TMEM132D: variants seen among roughly 807,000 people sequenced by gnomAD.
The protein encoded by TMEM132D is transmembrane protein 132D.
In TMEM132D, 21 loss-of-function variants were observed where a neutral mutation model predicts 62.3. That is an observed-to-expected ratio of 0.34 (90% CI 0.24 to 0.49). The LOEUF (loss-of-function observed/expected upper bound fraction) is 0.49, where lower values mean the gene tolerates loss of function less well. Ranked by LOEUF, TMEM132D falls within the 20% of genes least tolerant of loss-of-function variation. The pLI, the probability that TMEM132D is intolerant of heterozygous loss-of-function variation, is 0.99. For synonymous variants in TMEM132D, 621 were observed against 575.6 expected (o/e 1.08, Z -1.13); for missense variants, 1,346 against 1,402.8 (o/e 0.96, Z 0.65).
At position 129,217,484 on chromosome 12, in the gene TMEM132D, G is replaced by A. The variant is rs544830216; in HGVS notation, c.1300-7821C>T. ...AAACATTCCAAACAGCAAATGAAAC[G>A]GAGCGCCACCTGAACCTCCAGCCTT... On this transcript the variant is annotated intron_variant, in intron 4 of 8. Coordinates refer to ENST00000422113, the MANE Select transcript of TMEM132D (RefSeq NM_133448.3). 5.3e-5 allele frequency among the ~76,000 whole-genome samples: 8 copies of A among 152,244 alleles called. No homozygotes were observed. In the South Asian group the frequency reaches 1.4e-3, roughly 28 times the overall value.
At chr12:129,538,640 G>C (rs1876480392) in intron 2 of TMEM132D, among the ~76,000 whole-genome samples, 1 of 150,786 alleles carries the variant, frequency 6.6e-6, no homozygotes, top group African/African-American at 2.4e-5. Flanking sequence ...TAATAAAATA[G>C]AACAATTATG....
chr12:129,533,047 G>A (rs1876274201), intron 2 of TMEM132D, among the ~76,000 whole-genome samples: 1 of 152,062 alleles, frequency 6.6e-6, no homozygotes, highest in Non-Finnish European at 1.5e-5. Context: ...GTGGTCTTAG[G>A]AACCCCCAGG....
intron 3 of TMEM132D, among the ~76,000 whole-genome samples, chr12:129,507,642 A>G (rs1483820628): frequency 6.6e-6 from 1 of 152,136 alleles, no homozygotes; most frequent in Non-Finnish European, 1.5e-5. Context: ...TCAATCATAA[A>G]CAGGAGCTAA....
chr12:129,249,556 A>C (rs533028589), intron 4 of TMEM132D, among the ~76,000 whole-genome samples: 1 of 152,244 alleles, frequency 6.6e-6, no homozygotes, highest in Admixed American at 6.5e-5. Flanking sequence ...TCATTCATTC[A>C]CTTATTCATT....
chr12:129,545,006 T>C (rs1440098278), intron 2 of TMEM132D, among the ~76,000 whole-genome samples: 1 of 152,260 alleles, frequency 6.6e-6, no homozygotes, highest in Non-Finnish European at 1.5e-5. Context: ...GTATCCATTT[T>C]GGGCAACAGC....
At chr12:129,526,097 G>A (rs888369376) in intron 3 of TMEM132D, among the ~76,000 whole-genome samples, 6 of 152,120 alleles carry the variant, frequency 3.9e-5, no homozygotes, top group African/African-American at 1.4e-4. Context: ...TTCTGGTAGC[G>A]TGCTAATGTG....
chr12:129,374,549 G>C (rs916183561), intron 3 of TMEM132D, among the ~76,000 whole-genome samples: 6 of 152,048 alleles, frequency 3.9e-5, no homozygotes, highest in African/African-American at 1.4e-4. Context: ...TGAGAGGCTG[G>C]AGCTGAAGGG....
At chr12:129,405,468 T>G (rs1871754381) in intron 3 of TMEM132D, among the ~76,000 whole-genome samples, 1 of 152,032 alleles carries the variant, frequency 6.6e-6, no homozygotes, top group African/African-American at 2.4e-5. Context: ...ATTGAACAAA[T>G]ACATAAATAT....
chr12:129,546,737 G>A (rs1425998784), intron 2 of TMEM132D, among the ~76,000 whole-genome samples: 1 of 151,484 alleles, frequency 6.6e-6, no homozygotes, highest in African/African-American at 2.4e-5. Flanking sequence ...GGAGGTGGAG[G>A]TTGCAGTGAG....
At chr12:129,184,766 T>G (rs898053062) in intron 5 of TMEM132D, among the ~76,000 whole-genome samples, 2 of 152,062 alleles carry the variant, frequency 1.3e-5, no homozygotes, top group African/African-American at 4.8e-5. Flanking sequence ...TCTGATCACA[T>G]GGGACACACT....
chr12:129,278,156 G>A (rs1282797925), intron 4 of TMEM132D, among the ~76,000 whole-genome samples: 1 of 152,176 alleles, frequency 6.6e-6, no homozygotes, highest in Non-Finnish European at 1.5e-5. Context: ...CGATGAATGT[G>A]CATTGATTTG....
rs767815725 is a variant in TMEM132D, at chr12:129,337,855, C to T, written c.1116-38G>A. On this transcript the variant is annotated intron_variant, in intron 3 of 8. Coordinates refer to ENST00000422113, the MANE Select transcript of TMEM132D (RefSeq NM_133448.3). ...CACAGAGGAGAACAGCTTTCAGGGA[C>T]TGATGAGGTATGGCACGCTTGGCAG... 8.1e-5 allele frequency: 126 copies of T among 1,562,968 alleles called. 2 individuals are homozygous for T. The South Asian group carries it at 1.3e-3, about 17-fold the overall frequency.
chr12:129,361,314 A>C, intron 3 of TMEM132D, among the ~76,000 whole-genome samples: 1 of 152,160 alleles, frequency 6.6e-6, no homozygotes, highest in East Asian at 1.9e-4. Context: ...ATGTTGATAG[A>C]ATCACCCTCT....
chr12:129,895,131 C>A (rs969929262), intron 1 of TMEM132D, among the ~76,000 whole-genome samples: 15 of 152,178 alleles, frequency 9.9e-5, no homozygotes, highest in Non-Finnish European at 2.2e-4. Flanking sequence ...CATACCACAC[C>A]ATCTGCTACC....
At chr12:129,761,690 T>A (rs1302912704) in intron 1 of TMEM132D, among the ~76,000 whole-genome samples, 1 of 152,230 alleles carries the variant, frequency 6.6e-6, no homozygotes, top group Non-Finnish European at 1.5e-5. Flanking sequence ...CCACGCGGTC[T>A]GCTTTCACAG....
At chr12:129,491,052 C>A (rs1267592427) in intron 3 of TMEM132D, among the ~76,000 whole-genome samples, 1 of 152,052 alleles carries the variant, frequency 6.6e-6, no homozygotes, top group South Asian at 2.1e-4. Context: ...AATATGGGGT[C>A]CCAACTCTAA....
At chr12:129,452,568 G>A (rs1873328474) in intron 3 of TMEM132D, among the ~76,000 whole-genome samples, 1 of 152,110 alleles carries the variant, frequency 6.6e-6, no homozygotes, top group African/African-American at 2.4e-5. Flanking sequence ...GGGGTTATCA[G>A]GTCAGCACTA....
chr12:129,423,708 G>C (rs1243427074), intron 3 of TMEM132D, among the ~76,000 whole-genome samples: 3 of 152,152 alleles, frequency 2.0e-5, no homozygotes, highest in Non-Finnish European at 4.4e-5. Context: ...CAGACCCTTA[G>C]AAAATGCCTT....
intron 2 of TMEM132D, among the ~76,000 whole-genome samples, chr12:129,604,341 T>A (rs559461207): frequency 6.6e-6 from 1 of 152,240 alleles, no homozygotes; most frequent in Admixed American, 6.5e-5. Flanking sequence ...AAATTAAAAA[T>A]ATATATATTC....
Sources: gnomAD v4.1 joint callset for allele counts (sites outside exome capture counted in the v4.1 genomes callset) on GRCh38, gnomAD v4.1.1 for gene constraint, MANE v1.5 for transcripts, NCBI Gene and HGNC (gene_info 2026-07-23, HGNC 2026-07-21) for gene names.